SERPINA12: variants seen among roughly 807,000 people sequenced by gnomAD.
The protein encoded by SERPINA12 is serpin family A member 12, also known as serpin A12.
SERPINA12 carries 21 observed loss-of-function variants against 25.9 expected under a neutral mutation model. The observed-to-expected ratio is 0.81, with a 90% CI of 0.58 to 1.17. The LOEUF is 1.17. Ranked by LOEUF, SERPINA12 falls within the 50% of genes most tolerant of loss-of-function variation. The pLI, the probability that SERPINA12 is intolerant of heterozygous loss-of-function variation, is 0.00. For synonymous variants in SERPINA12, 220 were observed against 196.0 expected (o/e 1.12, Z -1.02); for missense variants, 562 against 508.3 (o/e 1.11, Z -1.02).
chr14:94,510,370 G>A, upstream of SERPINA12: 1 of 563,358 alleles, frequency 1.8e-6, no homozygotes, highest in Non-Finnish European at 2.2e-6. Context: ...CTAACCATCA[G>A]GGAAATGTAA....
chr14:94,505,460 T>A (rs569288489), intron 1 of SERPINA12, among the ~76,000 whole-genome samples: 1 of 152,284 alleles, frequency 6.6e-6, no homozygotes, highest in East Asian at 1.9e-4. Context: ...AAAGACACCA[T>A]GTGAACGGCG....
exon 1 of SERPINA12, chr14:94,517,607 C>A (rs1901268429): frequency 6.6e-6 from 1 of 152,180 alleles, no homozygotes; most frequent in African/African-American, 2.4e-5. Flanking sequence ...CCCCACATCC[C>A]CAGTACTGGA....
intron 4 of SERPINA12, among the ~76,000 whole-genome samples, 167 bp downstream of exon 4, chr14:94,489,453 G>T (rs1302524879): frequency 1.3e-5 from 2 of 152,184 alleles, no homozygotes; most frequent in Non-Finnish European, 2.9e-5. Context: ...GAGGTTATGT[G>T]GTTTGCCCAG....
intron 1 of SERPINA12, among the ~76,000 whole-genome samples, chr14:94,500,646 A>G (rs1900677834): frequency 6.6e-6 from 1 of 152,176 alleles, no homozygotes; most frequent in South Asian, 2.1e-4. Context: ...TGTCCTGGGC[A>G]GGAAGGCACG....
chr14:94,495,992 A>G (rs1900400208), intron 3 of SERPINA12, among the ~76,000 whole-genome samples: 4 of 152,204 alleles, frequency 2.6e-5, no homozygotes, highest in Admixed American at 1.3e-4. Flanking sequence ...TGACAACATC[A>G]TTCTACTCAC....
intron 4 of SERPINA12, 36 bp from the exon 5 acceptor site, chr14:94,487,530 G>A (rs1899956328): frequency 6.4e-7 from 1 of 1,555,566 alleles, no homozygotes; most frequent in African/African-American, 1.4e-5. Context: ...GGTCTGCCAA[G>A]CTCCTTGGCG....
intron 3 of SERPINA12, among the ~76,000 whole-genome samples, chr14:94,493,304 C>T (rs1325523978): frequency 6.6e-6 from 1 of 152,200 alleles, no homozygotes; most frequent in Non-Finnish European, 1.5e-5. Context: ...GCCCCCTGTC[C>T]TGCAAGAGGA....
Position 94,487,363 on chromosome 14 carries a change from G to C in SERPINA12, c.1185C>G (p.Tyr395Ter), listed in dbSNP as rs780654950. ...KIDKPYLLLI[Y>*]SEKIPSVLFL... ...AGAGCACGGAAGGTATTTTCTCGCT[G>C]TAAATCAGCAGCAGATAGGGTTTGT... The change falls in exon 5 of 5, where the codon TAC becomes TAG. Residue 395 changes from tyrosine (Y) to a stop codon, truncating the protein, a stop_gained. Coordinates refer to ENST00000677451, the MANE Select transcript of SERPINA12 (RefSeq NM_001382267.1). LOFTEE classifies it low-confidence loss of function (END_TRUNC). 6.2e-7 allele frequency: 1 copy of C among 1,614,148 alleles called. No individual in the cohort carries two copies. The highest frequency in any genetic ancestry group is 1.1e-5 in the South Asian group (1 of 91,072).
intron 3 of SERPINA12, among the ~76,000 whole-genome samples, chr14:94,491,361 A>G (rs1468841456): frequency 6.6e-6 from 1 of 152,188 alleles, no homozygotes; most frequent in Admixed American, 6.5e-5. Context: ...CAGGCAAGAG[A>G]GTTAGACAAA....
At chr14:94,495,357 C>T (rs544885042) in intron 3 of SERPINA12, among the ~76,000 whole-genome samples, 55 of 152,190 alleles carry the variant, frequency 3.6e-4, no homozygotes, top group Admixed American at 1.5e-3. Context: ...CGTGAGCCAC[C>T]GCGCCCGGCC....
At chr14:94,498,465 C>T in intron 1 of SERPINA12, 35 bp from the exon 2 acceptor site, 2 of 1,501,418 alleles carry the variant, frequency 1.3e-6, no homozygotes, top group Non-Finnish European at 1.8e-6. Flanking sequence ...ATGATAACCC[C>T]ATTGCCTACA....
intron 2 of SERPINA12, among the ~76,000 whole-genome samples, chr14:94,514,795 A>T (rs1901192151): frequency 1.3e-5 from 2 of 152,054 alleles, no homozygotes; most frequent in African/African-American, 4.8e-5. Flanking sequence ...GTCTGTAGTT[A>T]TTTGACTCAG....
chr14:94,492,323 G>A lies in SERPINA12; in HGVS notation c.906-2556C>T, dbSNP rs537624356. On this transcript the variant is annotated intron_variant, in intron 3 of 4. Coordinates refer to ENST00000677451, the MANE Select transcript of SERPINA12 (RefSeq NM_001382267.1). ...TATTCACCTGCAAAGGGGGAGTGAC[G>A]AAATGGAGGAATAACTGGGGGAAAG... 3.3e-5 allele frequency among the ~76,000 whole-genome samples: 5 copies of A among 152,288 alleles called. No individual in the cohort carries two copies. In the East Asian group the frequency reaches 5.8e-4, roughly 18 times the overall value.
intron 1 of SERPINA12, among the ~76,000 whole-genome samples, chr14:94,506,452 G>C (rs763268877): frequency 1.3e-5 from 2 of 152,180 alleles, no homozygotes; most frequent in Non-Finnish European, 2.9e-5. Flanking sequence ...TAGCTGGGGT[G>C]CTCTGGACTG....
At chr14:94,509,291 C>T (rs1367407635) in intron 1 of SERPINA12, among the ~76,000 whole-genome samples, 51 bp downstream of exon 1, 1 of 149,630 alleles carries the variant, frequency 6.7e-6, no homozygotes, top group African/African-American at 2.5e-5. Context: ...CACACACACA[C>T]ACACACACAC....
Position 94,496,378 on chromosome 14 carries a change from T to G in SERPINA12, c.900A>C (p.Ser300=). ...DTFSRWKTLL[S]RRVVDVSVPR... is the part of the protein sequence containing the mutation. ...GGGCTAGGCACCCACTTTACCTGCG[T>G]GACAGTAATGTTTTCCATCTGGAGA... Residue 300 remains serine, a synonymous_variant, in exon 3 of 5, where the codon TCA becomes TCC. Transcript: ENST00000677451. The G allele has an allele frequency of 1.9e-6, 3 of 1,614,200 alleles. No individual in the cohort carries two copies. Among genetic ancestry groups the G allele is most frequent in the Non-Finnish European group, 2.5e-6 (3 of 1,180,032 alleles).
intron 1 of SERPINA12, among the ~76,000 whole-genome samples, chr14:94,504,390 A>G (rs1309356022): frequency 6.6e-6 from 1 of 151,834 alleles, no homozygotes; most frequent in Non-Finnish European, 1.5e-5. Context: ...TTTTGCAACG[A>G]CTCTATTTCC....
chr14:94,515,176 G>A (rs1015430753), intron 2 of SERPINA12, among the ~76,000 whole-genome samples: 1 of 152,182 alleles, frequency 6.6e-6, no homozygotes, highest in Non-Finnish European at 1.5e-5. Flanking sequence ...GAAACTATGC[G>A]ACGTGTTTCT....
intron 1 of SERPINA12, among the ~76,000 whole-genome samples, chr14:94,516,396 G>A (rs1277034242): frequency 6.6e-6 from 1 of 152,202 alleles, no homozygotes; most frequent in Non-Finnish European, 1.5e-5. Flanking sequence ...GGCTGACACA[G>A]TGACTCGAGG....
Sources: allele counts gnomAD v4.1 joint callset (sites outside exome capture counted in the v4.1 genomes callset), GRCh38; gene constraint gnomAD v4.1.1; transcripts MANE v1.5; gene names NCBI Gene and HGNC (gene_info 2026-07-23, HGNC 2026-07-21).